The following THEMIS variants were observed in gnomAD, a reference collection of about 807,000 sequenced individuals.
The protein encoded by THEMIS is thymocyte selection associated.
Under a neutral mutation model 52.6 loss-of-function variants are expected in THEMIS, and 37 were observed. The observed-to-expected ratio is 0.70, with a 90% CI of 0.54 to 0.93. THEMIS has a LOEUF of 0.93. THEMIS is among the 40% of genes least tolerant of loss of function. The pLI, the probability that THEMIS is intolerant of heterozygous loss-of-function variation, is 0.00. For synonymous variants in THEMIS, 292 were observed against 272.7 expected, an observed-to-expected ratio of 1.07 and a Z score of -0.70; for missense variants, 808 against 763.1, an observed-to-expected ratio of 1.06 and a Z score of -0.69.
At position 127,711,406 on chromosome 6, in the gene THEMIS, G is replaced by A. The variant is rs1045098262; in HGVS notation, c.1895-1390C>T. Among the ~76,000 whole-genome samples the A allele has an allele frequency of 5.3e-5, 8 of 151,978 alleles. No homozygotes were observed. The South Asian group carries it at 1.7e-3, about 32-fold the overall frequency. On this transcript the variant is annotated intron_variant, in intron 5 of 5. Coordinates refer to ENST00000368248, the MANE Select transcript of THEMIS (RefSeq NM_001010923.3). The stretch of plus-strand genomic sequence containing the variant: ...AGGTAATGTCAAAGGAGAAAGAAGA[G>A]CGATTTCTCCACATACCTTGGTAAT...
At chr6:127,754,130 AT>A (rs968436591) in intron 4 of THEMIS, among the ~76,000 whole-genome samples, 3 of 151,944 alleles carry the variant, frequency 2.0e-5, no homozygotes, top group Non-Finnish European at 2.9e-5. Flanking sequence ...TTTATTTCAC[AT>A]TTTTTAAATG....
At chr6:127,809,984 T>G (rs1777846110) in intron 4 of THEMIS, among the ~76,000 whole-genome samples, 1 of 151,546 alleles carries the variant, frequency 6.6e-6, no homozygotes, top group Non-Finnish European at 1.5e-5. Flanking sequence ...GACTCAGAAT[T>G]GAACACCAAG....
Position 127,714,911 on chromosome 6 carries a change from A to G in THEMIS, c.1894+4777T>C, listed in dbSNP as rs374517013. On this transcript the variant is annotated intron_variant, in intron 5 of 5. Coordinates refer to ENST00000368248, the MANE Select transcript of THEMIS (RefSeq NM_001010923.3). Reference sequence around the variant, plus strand: ...TAGCATTCTGCTGATGAGATCTCCCATTGGTGAAGGCTTGCGAGTAAGATT... The same window carrying G: ...TAGCATTCTGCTGATGAGATCTCCCGTTGGTGAAGGCTTGCGAGTAAGATT... Among the ~76,000 whole-genome samples the G allele has an allele frequency of 2.0e-5, 3 of 152,034 alleles. No individual in the cohort carries two copies. The East Asian group carries it at 5.8e-4, about 30-fold the overall frequency.
chr6:127,769,876 G>T (rs143059770), intron 4 of THEMIS, among the ~76,000 whole-genome samples: 2,583 of 152,180 alleles, frequency 0.017, 30 homozygotes, highest in Non-Finnish European at 0.029. Flanking sequence ...TGTGGTGTTT[G>T]GTTTCCTGTC....
chr6:127,867,923 AAC>A (rs35052969), intron 1 of THEMIS, among the ~76,000 whole-genome samples: 34,973 of 150,100 alleles, frequency 0.23, 4,223 homozygotes, highest in South Asian at 0.4. Flanking sequence ...ATTACTATTA[AAC>A]ACACACACAC....
chr6:127,845,480 C>G (rs1414009059), intron 2 of THEMIS, among the ~76,000 whole-genome samples: 2 of 151,890 alleles, frequency 1.3e-5, no homozygotes, highest in Non-Finnish European at 2.9e-5. Context: ...CTCCCCGACA[C>G]TCAGGTCCAC....
At chr6:127,697,089 G>A in the THEMIS span, among the ~76,000 whole-genome samples, 4 of 151,982 alleles carry the variant, frequency 2.6e-5, no homozygotes, top group Non-Finnish European at 5.9e-5. Context: ...ACTCATATAT[G>A]CAATTGCGTG....
intron 1 of THEMIS, among the ~76,000 whole-genome samples, chr6:127,879,695 G>A (rs776808444): frequency 6.6e-5 from 10 of 151,268 alleles, no homozygotes; most frequent in African/African-American, 9.7e-5. Flanking sequence ...AATTATTTGC[G>A]GGCAGGGTGT....
intron 4 of THEMIS, among the ~76,000 whole-genome samples, chr6:127,734,671 C>G (rs1439533885): frequency 6.6e-6 from 1 of 151,516 alleles, no homozygotes. Context: ...GAGATCAAGA[C>G]CATCCTGGCT....
intron 1 of THEMIS, among the ~76,000 whole-genome samples, chr6:127,915,038 T>C (rs1781491517): frequency 6.6e-6 from 1 of 152,228 alleles, no homozygotes; most frequent in Non-Finnish European, 1.5e-5. Flanking sequence ...ATTTTAATCT[T>C]ACACAGATTG....
chr6:127,743,349 G>A (rs1008865907), intron 4 of THEMIS, among the ~76,000 whole-genome samples: 1 of 152,102 alleles, frequency 6.6e-6, no homozygotes. Context: ...CCCACGCAAA[G>A]CCAAGTTAAA....
chr6:127,874,314 C>T (rs1780248542), intron 1 of THEMIS, among the ~76,000 whole-genome samples: 1 of 152,176 alleles, frequency 6.6e-6, no homozygotes. Context: ...TGATTTAACA[C>T]TGCATCTGTT....
chr6:127,745,734 T>C (rs1378729137), intron 4 of THEMIS, among the ~76,000 whole-genome samples: 1 of 151,888 alleles, frequency 6.6e-6, no homozygotes, highest in African/African-American at 2.4e-5. Flanking sequence ...ATTTTTGTTT[T>C]TTGTTTTAGT....
chr6:127,791,709 G>A (rs1034607078), intron 4 of THEMIS, among the ~76,000 whole-genome samples: 1 of 152,126 alleles, frequency 6.6e-6, no homozygotes, highest in Non-Finnish European at 1.5e-5. Context: ...AGTGGTGCCT[G>A]CAAGACTGCG....
intron 1 of THEMIS, among the ~76,000 whole-genome samples, chr6:127,907,336 G>GTTTTTTTTTTTTTTTT (rs1444629822): frequency 3.5e-5 from 1 of 28,600 alleles, no homozygotes; most frequent in Non-Finnish European, 7.9e-5. Flanking sequence ...ATTAGGCTCG[G>GTTTTTTTTTTTTTTTT]ATTTTTTTTT....
chr6:127,761,484 C>A, intron 4 of THEMIS, among the ~76,000 whole-genome samples: 1 of 152,120 alleles, frequency 6.6e-6, no homozygotes, highest in East Asian at 1.9e-4. Flanking sequence ...CTCACAGTTA[C>A]CCCTTCCTCA....
chr6:127,875,284 T>A (rs1275591129), intron 1 of THEMIS, among the ~76,000 whole-genome samples: 2 of 152,178 alleles, frequency 1.3e-5, no homozygotes, highest in Non-Finnish European at 2.9e-5. Context: ...TTAACTTAAA[T>A]AAATGTGTGT....
At position 127,709,168 on chromosome 6, in the gene THEMIS, T is replaced by G. The variant is rs1773889568; in HGVS notation, c.*817A>C. Reference sequence around the variant, plus strand: ...CACTTTGGTTTCTTGTCAGCCAAATTTATTATATTACAATTTTATTGTCTT... The same window carrying G: ...CACTTTGGTTTCTTGTCAGCCAAATGTATTATATTACAATTTTATTGTCTT... On this transcript the variant is annotated 3_prime_UTR_variant, in exon 6 of 6. Coordinates refer to ENST00000368248, the MANE Select transcript of THEMIS (RefSeq NM_001010923.3). 2 of 152,008 alleles carry G rather than the reference T, an allele frequency of 1.3e-5. No homozygotes were observed. Among genetic ancestry groups the G allele is most frequent in the South Asian group, 4.1e-4 (2 of 4,830 alleles). 9.4% of individuals were successfully genotyped at this position (152,008 alleles called of 1,614,324 possible).
At chr6:127,866,223 T>C (rs1300465343) in intron 1 of THEMIS, among the ~76,000 whole-genome samples, 1 of 152,060 alleles carries the variant, frequency 6.6e-6, no homozygotes, top group Non-Finnish European at 1.5e-5. Context: ...AAAGATAGAT[T>C]AATGATTTAG....
Sources: allele counts gnomAD v4.1 joint callset (sites outside exome capture counted in the v4.1 genomes callset), GRCh38; gene constraint gnomAD v4.1.1; transcripts MANE v1.5; gene names NCBI Gene and HGNC (gene_info 2026-07-23, HGNC 2026-07-21).